The following PHF21B variants were observed in gnomAD, a reference collection of about 807,000 sequenced individuals.
The protein encoded by PHF21B is PHD finger protein 4.
In PHF21B, 22 loss-of-function variants were observed where a neutral mutation model predicts 62.2. The observed-to-expected ratio is 0.35, with a 90% CI of 0.25 to 0.51. The LOEUF is 0.51. Among genes scored for constraint, PHF21B ranks in the 20% least tolerant of loss-of-function variants. The pLI, the probability that PHF21B is intolerant of heterozygous loss-of-function variation, is 0.97. For synonymous variants in PHF21B, 341 were observed against 314.7 expected (o/e 1.08, Z -0.88); for missense variants, 701 against 707.9 (o/e 0.99, Z 0.11).
intron 12 of PHF21B, among the ~76,000 whole-genome samples, chr22:44,884,665 G>GCAC (rs1427572528): frequency 9.2e-5 from 4 of 43,710 alleles, no homozygotes; most frequent in African/African-American, 1.9e-4. Context: ...ACTGTGGTCT[G>GCAC]CACCATCACC....
At chr22:44,979,310 G>A (rs1029019061) in intron 2 of PHF21B, among the ~76,000 whole-genome samples, 9 of 152,250 alleles carry the variant, frequency 5.9e-5, no homozygotes, top group African/African-American at 2.2e-4. Context: ...CCAAGGCCAA[G>A]TTCACGTGTG....
At chr22:44,941,694 C>T (rs983567222) in intron 2 of PHF21B, among the ~76,000 whole-genome samples, 7 of 152,170 alleles carry the variant, frequency 4.6e-5, no homozygotes, top group Admixed American at 6.5e-5. Flanking sequence ...GATGTGGGCT[C>T]GGGAGCACCC....
In PHF21B at chr22:44,891,338, T is replaced by G. The variant is rs115264708; in HGVS notation, c.983A>C (p.Tyr328Ser). 4 of 1,613,780 alleles carry G rather than the reference T, an allele frequency of 2.5e-6. No homozygotes were observed. Among genetic ancestry groups the G allele is most frequent in the Admixed American group, 1.7e-5 (1 of 59,968 alleles). Residue 328 changes from tyrosine (Y) to serine (S), a missense_variant, in exon 8 of 13, where the codon TAT (tyrosine) becomes TCT (serine). Coordinates refer to ENST00000313237, the MANE Select transcript of PHF21B (RefSeq NM_138415.5). ...TGTGAGGAACAGGGGGTTGTTGAGA[T>G]AGTTGGAGGCCAGCCGTTTCCTCTG... ...ETERKRLASNYLNNPLFLTAR... is the reference protein window; with the variant it reads ...ETERKRLASNSLNNPLFLTAR...
rs1044898328 is a variant in PHF21B at position 44,886,002 on chromosome 22, C to T, written c.1198-64G>A. ...CTGGGACCTGCTGGGACTGTCCACACCCTGGCTGTGTAACCCTGAGGGGGC... is the reference window on the plus strand; with the variant it reads ...CTGGGACCTGCTGGGACTGTCCACATCCTGGCTGTGTAACCCTGAGGGGGC... On this transcript the variant is annotated intron_variant, in intron 10 of 12. Coordinates refer to ENST00000313237, the MANE Select transcript of PHF21B (RefSeq NM_138415.5). The T allele has an allele frequency of 4.0e-6, 6 of 1,514,770 alleles. No individual in the cohort carries two copies. The African/African-American group carries it at 6.9e-5, about 17-fold the overall frequency. The allele number at this position is 1,514,770 out of a possible 1,614,324, so 93.8% of individuals were successfully genotyped here. A position where few individuals can be genotyped will look rare whatever the true frequency, so the allele number is the denominator to read the frequency against.
intron 2 of PHF21B, among the ~76,000 whole-genome samples, chr22:44,926,006 C>T (rs912240030): frequency 1.5e-5 from 1 of 66,374 alleles, no homozygotes; most frequent in African/African-American, 3.9e-5. Context: ...ACTGGGGCCG[C>T]AGGCCGAGAG....
intron 2 of PHF21B, among the ~76,000 whole-genome samples, chr22:44,958,539 T>C (rs1344656028): frequency 6.6e-6 from 1 of 151,940 alleles, no homozygotes; most frequent in Non-Finnish European, 1.5e-5. Context: ...CCCATTCCAT[T>C]AGCGTCCTAT....
At chr22:44,891,241 C>A in intron 8 of PHF21B, 65 bp downstream of exon 8, 2 of 1,579,708 alleles carry the variant, frequency 1.3e-6, no homozygotes, top group Non-Finnish European at 1.7e-6. Flanking sequence ...GCGTGGAGGA[C>A]CACCCAGGGA....
Position 44,916,267 on chromosome 22 carries a change from G to A in PHF21B, c.564+13C>T. 1.2e-6 allele frequency: 2 copies of A among 1,606,038 alleles called. No homozygotes were observed. The highest frequency in any genetic ancestry group is 1.7e-6 in the Non-Finnish European group (2 of 1,177,880). ...CCGCACACCCTTTCCGGAGCCTGCTGGTGGGCACTCACCTTGTTGTCAGCA... is the reference window on the plus strand; with the variant it reads ...CCGCACACCCTTTCCGGAGCCTGCTAGTGGGCACTCACCTTGTTGTCAGCA... On this transcript the variant is annotated intron_variant, in intron 4 of 12. Coordinates refer to ENST00000313237, the MANE Select transcript of PHF21B (RefSeq NM_138415.5).
intron 2 of PHF21B, among the ~76,000 whole-genome samples, chr22:44,942,589 C>G (rs1266978121): frequency 1.3e-5 from 2 of 152,168 alleles, no homozygotes; most frequent in African/African-American, 4.8e-5. Context: ...CCAGGCTGCC[C>G]TAGGAGCAGC....
intron 2 of PHF21B, among the ~76,000 whole-genome samples, chr22:44,977,402 T>C (rs1569268698): frequency 6.6e-6 from 1 of 151,998 alleles, no homozygotes; most frequent in African/African-American, 2.4e-5. Flanking sequence ...CCATCTTTAC[T>C]AAAAATACAA....
rs1601618560 is a variant in PHF21B, at chr22:44,936,923, A to C, written c.121-16433T>G. 2.2e-5 allele frequency among the ~76,000 whole-genome samples: 3 copies of C among 136,080 alleles called. No homozygotes were observed. The South Asian group carries it at 6.8e-4, about 31-fold the overall frequency. 89.3% of individuals were successfully genotyped at this position (136,080 alleles called of 152,430 possible). ...GTTTCACTCTTATTGCCCAGGCTGG[A>C]GTGCAATGGCGCAATTTCGGCTTAC... is the stretch of plus-strand genomic sequence containing the variant. On this transcript the variant is annotated intron_variant, in intron 2 of 12. Transcript: ENST00000313237.
chr22:44,955,216 C>T (rs1385189251), intron 2 of PHF21B, among the ~76,000 whole-genome samples: 4 of 152,208 alleles, frequency 2.6e-5, no homozygotes, highest in African/African-American at 9.7e-5. Flanking sequence ...AGCACAGCGC[C>T]TGGGAGGAGC....
Position 45,009,332 on chromosome 22 carries a change from G to A in PHF21B, c.54+164C>T. The stretch of plus-strand genomic sequence containing the variant: ...CCAGGGGCAGGCGGAGGGGAGCCCA[G>A]AAGGGGGTCCGCGCGTGTGCTCACT... On this transcript the variant is annotated intron_variant, in intron 1 of 12. Coordinates refer to ENST00000313237, the MANE Select transcript of PHF21B (RefSeq NM_138415.5). The surrounding 1 kb of genome is among the most constrained non-coding windows in gnomAD (Gnocchi z 5.9). 2.8e-6 allele frequency: 2 copies of A among 721,262 alleles called. No individual in the cohort carries two copies. The highest frequency in any genetic ancestry group is 2.0e-5 in the South Asian group (1 of 50,302). The allele number at this position is 721,262 out of a possible 1,614,324, so 44.7% of individuals were successfully genotyped here.
At chr22:44,936,833 T>C (rs1006747889) in intron 2 of PHF21B, among the ~76,000 whole-genome samples, 1 of 151,772 alleles carries the variant, frequency 6.6e-6, no homozygotes, top group African/African-American at 2.4e-5. Flanking sequence ...AGGAAACTTG[T>C]AATTTAAGAC....
intron 5 of PHF21B, among the ~76,000 whole-genome samples, chr22:44,908,579 G>A (rs2147287064): frequency 1.3e-5 from 2 of 152,320 alleles, no homozygotes; most frequent in South Asian, 4.1e-4. Flanking sequence ...GAGGGCAAGT[G>A]CCACTTTCTG....
At position 44,919,906 on chromosome 22, in the gene PHF21B, G is replaced by A. The variant is rs1026256531; in HGVS notation, c.213+492C>T. On this transcript the variant is annotated intron_variant, in intron 3 of 12. Transcript: ENST00000313237. ...AAGGCTGAGAGGTCAGGTGACTGGG[G>A]CAAAGCGTGGAGTCCAGTCGGGGGG... is the stretch of plus-strand genomic sequence containing the variant. 1.3e-3 allele frequency among the ~76,000 whole-genome samples: 197 copies of A among 152,352 alleles called. 1 individual carries two copies. The highest frequency in any genetic ancestry group is 2.6e-3 in the Non-Finnish European group (174 of 68,024).
chr22:44,890,356 A>C (rs547022906), intron 8 of PHF21B, among the ~76,000 whole-genome samples: 1 of 152,344 alleles, frequency 6.6e-6, no homozygotes, highest in East Asian at 1.9e-4. Context: ...ACACATTTTA[A>C]TGATCGCAAA....
chr22:44,941,844 G>A (rs2071964636), intron 2 of PHF21B, among the ~76,000 whole-genome samples: 2 of 152,144 alleles, frequency 1.3e-5, no homozygotes, highest in Non-Finnish European at 1.5e-5. Flanking sequence ...ATTCACTAAC[G>A]CAGCACCCAC....
chr22:44,930,113 G>GCACCTGC (rs1486739429), intron 2 of PHF21B, among the ~76,000 whole-genome samples: 7 of 152,252 alleles, frequency 4.6e-5, no homozygotes. Flanking sequence ...AACAACACGA[G>GCACCTGC]CACCTGCGTC....
Sources: allele counts gnomAD v4.1 joint callset (sites outside exome capture counted in the v4.1 genomes callset), GRCh38; gene constraint gnomAD v4.1.1; non-coding constraint Gnocchi (gnomAD v3.1); transcripts MANE v1.5; gene names NCBI Gene and HGNC (gene_info 2026-07-23, HGNC 2026-07-21).